Variants in PDE7A observed in about 807,000 individuals in gnomAD.
The protein encoded by PDE7A is phosphodiesterase 7A, also known as high affinity 3',5'-cyclic-AMP phosphodiesterase 7A.
Under a neutral mutation model 64.3 loss-of-function variants are expected in PDE7A, and 39 were observed. That is an observed-to-expected ratio of 0.61 (90% CI 0.47 to 0.79). The LOEUF is 0.79. PDE7A is among the 30% of genes least tolerant of loss of function. PDE7A has a pLI of 0.00. For missense variants in PDE7A, 470 were observed against 582.8 expected (o/e 0.81, Z 1.99); for synonymous variants, 203 against 206.8 (o/e 0.98, Z 0.16).
At chr8:65,805,758 G>GT (rs138309207) in intron 1 of PDE7A, among the ~76,000 whole-genome samples, 10,013 of 152,172 alleles carry the variant, frequency 0.066, 536 homozygotes, top group African/African-American at 0.15. Flanking sequence ...GCTTCTGTTC[G>GT]TAAGTCCCTA....
chr8:65,815,907 C>T (rs1426467254), intron 1 of PDE7A, among the ~76,000 whole-genome samples: 4 of 152,202 alleles, frequency 2.6e-5, no homozygotes, highest in South Asian at 2.1e-4. Context: ...ATTTTCTTCA[C>T]TTACTTCAGC....
chr8:65,741,881 GA>G (rs1222241296), intron 5 of PDE7A, among the ~76,000 whole-genome samples: 5 of 152,168 alleles, frequency 3.3e-5, no homozygotes, highest in African/African-American at 1.2e-4. Flanking sequence ...AATCTAATGG[GA>G]AAATACCCTC....
At chr8:65,748,590 A>G (rs1330858967) in intron 3 of PDE7A, among the ~76,000 whole-genome samples, 1 of 152,216 alleles carries the variant, frequency 6.6e-6, no homozygotes, top group Non-Finnish European at 1.5e-5. Context: ...ATCAAACCAA[A>G]TTCAGTAAAA....
intron 6 of PDE7A, among the ~76,000 whole-genome samples, chr8:65,735,109 C>A (rs886758671): frequency 2.6e-5 from 4 of 152,126 alleles, no homozygotes; most frequent in African/African-American, 9.7e-5. Flanking sequence ...GACGAACAGA[C>A]TAGGCTTCGG....
intron 3 of PDE7A, among the ~76,000 whole-genome samples, chr8:65,755,728 T>C (rs980157599): frequency 1.3e-5 from 2 of 152,244 alleles, no homozygotes; most frequent in Non-Finnish European, 2.9e-5. Flanking sequence ...TATTTCCTCT[T>C]ATGGCTTTAG....
At chr8:65,822,423 G>A (rs72650507) in intron 1 of PDE7A, among the ~76,000 whole-genome samples, 10,375 of 152,292 alleles carry the variant, frequency 0.068, 509 homozygotes, top group Non-Finnish European at 0.11. Context: ...AGTGTGGGTA[G>A]AGCAGACAGC....
intron 6 of PDE7A, among the ~76,000 whole-genome samples, chr8:65,737,565 C>A (rs1028755700): frequency 1.3e-5 from 2 of 152,108 alleles, no homozygotes; most frequent in Non-Finnish European, 2.9e-5. Flanking sequence ...AGTACAGTGG[C>A]GCGATCTCGG....
chr8:65,807,126 A>G (rs1810131808), intron 1 of PDE7A, among the ~76,000 whole-genome samples: 1 of 152,232 alleles, frequency 6.6e-6, no homozygotes, highest in Non-Finnish European at 1.5e-5. Flanking sequence ...CAATTTGGGG[A>G]GTACTGCCAT....
intron 1 of PDE7A, among the ~76,000 whole-genome samples, chr8:65,799,051 T>C (rs1359151613): frequency 3.3e-5 from 5 of 152,058 alleles, no homozygotes; most frequent in African/African-American, 9.7e-5. Flanking sequence ...AACTAATCAA[T>C]AGTGATAGAA....
chr8:65,743,172 T>C (rs959114345), intron 5 of PDE7A, among the ~76,000 whole-genome samples: 2 of 152,210 alleles, frequency 1.3e-5, no homozygotes, highest in African/African-American at 2.4e-5. Flanking sequence ...AAGAGTGGCA[T>C]TGTTTCATCT....
chr8:65,750,612 T>TC (rs1807901013), intron 3 of PDE7A, among the ~76,000 whole-genome samples: 1 of 151,820 alleles, frequency 6.6e-6, no homozygotes, highest in Admixed American at 6.6e-5. Flanking sequence ...AGAGGGAAAC[T>TC]CCAACAATTC....
intron 1 of PDE7A, among the ~76,000 whole-genome samples, chr8:65,803,325 A>G (rs145346268): frequency 1.2e-3 from 185 of 152,352 alleles, no homozygotes; most frequent in African/African-American, 4.2e-3. Context: ...CAACAGACAG[A>G]CATGGTACTT....
chr8:65,816,466 T>C (rs1431964213), intron 1 of PDE7A, among the ~76,000 whole-genome samples: 1 of 152,254 alleles, frequency 6.6e-6, no homozygotes, highest in African/African-American at 2.4e-5. Flanking sequence ...TCCTGTGGAT[T>C]TGAGTTTCCA....
At chr8:65,767,616 G>A (rs1207326380) in intron 3 of PDE7A, among the ~76,000 whole-genome samples, 1 of 152,106 alleles carries the variant, frequency 6.6e-6, no homozygotes. Flanking sequence ...ATACCCTGGG[G>A]GAATCTGGGG....
rs1295965698 is a variant in PDE7A, at chr8:65,730,171, C to CTTCTTTTTTTTTTTTTTTTT, written c.697-2871_697-2870insAAAAAAAAAAAAAAAAAGAA. Reference sequence around the variant, plus strand: ...TGTGAGGGATCCAGGTTGCGCACTTCTTTTTTTTTTTTTTTTTTTTTTTTT... The same window carrying CTTCTTTTTTTTTTTTTTTTT: ...TGTGAGGGATCCAGGTTGCGCACTTCTTCTTTTTTTTTTTTTTTTTTTTTTTTTTTTTTTTTTTTTTTTTT... On this transcript the variant is annotated intron_variant, in intron 7 of 12. Coordinates refer to ENST00000401827, the MANE Select transcript of PDE7A (RefSeq NM_001242318.3). Among the ~76,000 whole-genome samples the CTTCTTTTTTTTTTTTTTTTT allele has an allele frequency of 7.8e-4, 67 of 86,448 alleles. 9 individuals are homozygous for CTTCTTTTTTTTTTTTTTTTT. Among genetic ancestry groups the CTTCTTTTTTTTTTTTTTTTT allele is most frequent in the African/African-American group, 2.8e-3 (58 of 20,938 alleles). The allele number at this position is 86,448 out of a possible 152,430, so 56.7% of individuals were successfully genotyped here.
chr8:65,742,122 T>G (rs1487502568), intron 5 of PDE7A, among the ~76,000 whole-genome samples: 1 of 152,346 alleles, frequency 6.6e-6, no homozygotes, highest in African/African-American at 2.4e-5. Flanking sequence ...AGAAGAACTT[T>G]TTAAAAAATG....
At chr8:65,742,474 G>A (rs1217015788) in intron 5 of PDE7A, among the ~76,000 whole-genome samples, 3 of 152,182 alleles carry the variant, frequency 2.0e-5, no homozygotes, top group Non-Finnish European at 4.4e-5. Flanking sequence ...GTCTTGGCAC[G>A]AATCACTGCA....
chr8:65,731,327 G>A (rs565791204), intron 7 of PDE7A, among the ~76,000 whole-genome samples: 1 of 152,292 alleles, frequency 6.6e-6, no homozygotes, highest in African/African-American at 2.4e-5. Flanking sequence ...GGACGTGCAG[G>A]GCCAGGCTCT....
intron 5 of PDE7A, 70 bp from the exon 6 acceptor site, chr8:65,739,667 T>TA: frequency 7.7e-7 from 1 of 1,302,242 alleles, no homozygotes; most frequent in Non-Finnish European, 9.9e-7. Flanking sequence ...TGCTTTGAAA[T>TA]ACAGATTTTG....
Sources: allele counts gnomAD v4.1 joint callset (sites outside exome capture counted in the v4.1 genomes callset), GRCh38; gene constraint gnomAD v4.1.1; transcripts MANE v1.5; gene names NCBI Gene and HGNC (gene_info 2026-07-23, HGNC 2026-07-21).